Variants in PIGB observed in about 807,000 individuals in gnomAD.
The protein encoded by PIGB is phosphatidylinositol glycan anchor biosynthesis class B.
Under a neutral mutation model 68.4 loss-of-function variants are expected in PIGB, and 58 were observed. The ratio of observed to expected loss-of-function variants is 0.85; its 90% CI spans 0.69 to 1.06. The LOEUF (loss-of-function observed/expected upper bound fraction) is 1.06, where lower values mean the gene tolerates loss of function less well. PIGB is among the 50% of genes least tolerant of loss of function. The pLI is 0.00. For synonymous variants in PIGB, 219 were observed against 220.5 expected (o/e 0.99, Z 0.06); for missense variants, 634 against 655.8 (o/e 0.97, Z 0.36).
intron 3 of PIGB, among the ~76,000 whole-genome samples, chr15:55,326,955 A>G (rs950393181): frequency 3.9e-5 from 6 of 151,964 alleles, no homozygotes; most frequent in African/African-American, 1.4e-4. Context: ...TTGGGAGGCC[A>G]AGGTGGAAGT....
chr15:55,333,789 AT>A (rs1481347118), intron 5 of PIGB, 77 bp from the exon 6 acceptor site: 1 of 1,058,634 alleles, frequency 9.4e-7, no homozygotes, highest in African/African-American at 1.6e-5. Context: ...CAAAAGGAAA[AT>A]GTCAAATCAC....
intron 3 of PIGB, among the ~76,000 whole-genome samples, chr15:55,326,461 T>G (rs1295721478): frequency 2.6e-5 from 4 of 151,866 alleles, no homozygotes; most frequent in Non-Finnish European, 5.9e-5. Flanking sequence ...AGAAGATTGT[T>G]AGGACTGAAT....
chr15:55,321,051 T>A (rs2055152516), intron 2 of PIGB, among the ~76,000 whole-genome samples: 2 of 152,186 alleles, frequency 1.3e-5, no homozygotes, highest in South Asian at 2.1e-4. Flanking sequence ...ATATCCAGTA[T>A]AAAATGCTGT....
chr15:55,323,347 G>A (rs1169976933), intron 3 of PIGB, among the ~76,000 whole-genome samples: 1 of 152,174 alleles, frequency 6.6e-6, no homozygotes, highest in African/African-American at 2.4e-5. Context: ...GCACAGCTAG[G>A]CATGGTGGCT....
At chr15:55,325,831 G>A (rs1363729176) in intron 3 of PIGB, among the ~76,000 whole-genome samples, 2 of 152,044 alleles carry the variant, frequency 1.3e-5, no homozygotes, top group South Asian at 2.1e-4. Context: ...CAGGAGAATC[G>A]CTTGAACCTG....
At chr15:55,341,160 T>C (rs958821300) in intron 8 of PIGB, among the ~76,000 whole-genome samples, 7 of 151,856 alleles carry the variant, frequency 4.6e-5, no homozygotes, top group African/African-American at 1.7e-4. Context: ...AAGGAGTTCA[T>C]GACCAGCCTG....
chr15:55,331,796 G>A lies in PIGB; in HGVS notation c.653+1942G>A, dbSNP rs149099339. 1.3e-3 allele frequency among the ~76,000 whole-genome samples: 202 copies of A among 151,986 alleles called. 2 individuals carry two copies. Among genetic ancestry groups the A allele is most frequent in the African/African-American group, 4.6e-3 (192 of 41,454 alleles). On this transcript the variant is annotated intron_variant, in intron 5 of 11. Coordinates refer to ENST00000164305, the MANE Select transcript of PIGB (RefSeq NM_004855.5). ...CGGGATCAAGTAATCCTCCCACCAC[G>A]GCCTCTTAAAGCGTTGGGATTACAG...
intron 1 of PIGB, chr15:55,319,802 G>A (rs184641005): frequency 7.1e-5 from 13 of 183,236 alleles, no homozygotes; most frequent in Admixed American, 1.7e-4. Flanking sequence ...AATATTGTTT[G>A]GAGGATTAAG....
At chr15:55,327,881 A>C (rs2055329242) in intron 4 of PIGB, among the ~76,000 whole-genome samples, 1 of 152,200 alleles carries the variant, frequency 6.6e-6, no homozygotes, top group Non-Finnish European at 1.5e-5. Context: ...CCTGGGAGAC[A>C]ACCTTTGGAA....
At chr15:55,327,074 C>G (rs2055306099) in intron 3 of PIGB, among the ~76,000 whole-genome samples, 1 of 151,434 alleles carries the variant, frequency 6.6e-6, no homozygotes, top group Admixed American at 6.6e-5. Context: ...AGGCTGCAGC[C>G]TGGGTAACAG....
intron 8 of PIGB, 122 bp downstream of exon 8, chr15:55,340,945 CT>C: frequency 1.6e-6 from 1 of 625,296 alleles, no homozygotes; most frequent in Non-Finnish European, 2.7e-6. Context: ...TGGGAATTAT[CT>C]TAGAAGATAC....
At chr15:55,344,943 T>G (rs1193124839) in intron 9 of PIGB, among the ~76,000 whole-genome samples, 5 of 146,792 alleles carry the variant, frequency 3.4e-5, no homozygotes, top group Non-Finnish European at 6.0e-5. Context: ...TCGCCCATGC[T>G]GGAGTGCAGT....
chr15:55,322,915 A>G (rs1225911840), intron 3 of PIGB, among the ~76,000 whole-genome samples: 1 of 152,210 alleles, frequency 6.6e-6, no homozygotes, highest in East Asian at 1.9e-4. Flanking sequence ...CATCAATGAC[A>G]GTTTATATCC....
chr15:55,354,821 T>A lies in PIGB; in HGVS notation c.1361T>A (p.Met454Lys). ...YYSHVHCPLP[M>K]RFLQCPPDLT... ...AGCCATGTTCACTGCCCACTTCCCA[T>A]GAGATTTCTCCAGTGCCCGCCAGAC... is the stretch of plus-strand genomic sequence containing the variant. The change falls in exon 11 of 12, where the codon ATG becomes AAG. Residue 454 changes from methionine (M) to lysine (K), a missense_variant. Coordinates refer to ENST00000164305, the MANE Select transcript of PIGB (RefSeq NM_004855.5). 1 of 1,610,920 alleles carries A rather than the reference T, an allele frequency of 6.2e-7. No individual in the cohort carries two copies. The highest frequency in any genetic ancestry group is 2.2e-5 in the East Asian group (1 of 44,832).
Position 55,341,762 on chromosome 15 carries a change from G to T in PIGB, c.1083G>T (p.Arg361Ser). ...VYSMLSHKEF[R>S]FIYPVLPFCM... ...GCATGTTGAGCCACAAAGAATTCAG[G>T]TTTATTTATCCAGTTTTACCATTCT... is the stretch of plus-strand genomic sequence containing the variant. Residue 361 changes from arginine (R) to serine (S), a missense_variant, in exon 9 of 12, where the codon AGG (arginine) becomes AGT (serine). Physicochemically the swap from Arg to Ser is moderately radical, Grantham distance 110. Coordinates refer to ENST00000164305, the MANE Select transcript of PIGB (RefSeq NM_004855.5). The T allele has an allele frequency of 6.9e-7, 1 of 1,457,670 alleles. No homozygotes were observed. Among genetic ancestry groups the T allele is most frequent in the Non-Finnish European group, 9.2e-7 (1 of 1,091,484 alleles). The allele number at this position is 1,457,670 out of a possible 1,614,324, so 90.3% of individuals were successfully genotyped here. A position where few individuals can be genotyped will look rare whatever the true frequency, so the allele number is the denominator to read the frequency against.
intron 10 of PIGB, among the ~76,000 whole-genome samples, chr15:55,352,541 CT>C (rs1230090519): frequency 1.8e-4 from 27 of 152,232 alleles, no homozygotes; most frequent in Admixed American, 7.2e-4. Flanking sequence ...AATCCTAGCA[CT>C]TTGTGAGGCC....
intron 9 of PIGB, among the ~76,000 whole-genome samples, chr15:55,342,029 C>T (rs1235263387): frequency 1.3e-5 from 2 of 152,144 alleles, no homozygotes; most frequent in African/African-American, 4.8e-5. Context: ...CAGTGGTGTG[C>T]ACTTTTAATC....
intron 3 of PIGB, among the ~76,000 whole-genome samples, chr15:55,321,890 G>T (rs1168911856): frequency 6.8e-6 from 1 of 146,822 alleles, no homozygotes; most frequent in Admixed American, 6.8e-5. Flanking sequence ...GACCTGAGGT[G>T]ATCTGCCCGT....
intron 4 of PIGB, among the ~76,000 whole-genome samples, chr15:55,328,688 C>T (rs2055344288): frequency 6.6e-6 from 1 of 152,116 alleles, no homozygotes; most frequent in African/African-American, 2.4e-5. Flanking sequence ...AGCACTAGGG[C>T]CGGGCATGGT....
Sources: allele counts gnomAD v4.1 joint callset (sites outside exome capture counted in the v4.1 genomes callset), GRCh38; gene constraint gnomAD v4.1.1; transcripts MANE v1.5; gene names NCBI Gene and HGNC (gene_info 2026-07-23, HGNC 2026-07-21).